Variants in UBAP2 observed in about 807,000 individuals in gnomAD.
UBAP2 encodes the protein ubiquitin associated protein 2, also known as ubiquitin-associated protein 2.
Under a neutral mutation model 139.6 loss-of-function variants are expected in UBAP2, and 75 were observed. That is an observed-to-expected ratio of 0.54 (90% confidence interval 0.45 to 0.65). The LOEUF (loss-of-function observed/expected upper bound fraction) is 0.65. Among genes scored for constraint, UBAP2 ranks in the 30% least tolerant of loss-of-function variants. The pLI, the probability that UBAP2 is intolerant of heterozygous loss-of-function variation, is 0.00. For missense variants in UBAP2, 1,368 were observed against 1,369.6 expected (o/e 1.00, Z 0.02); for synonymous variants, 526 against 526.2 (o/e 1.00, Z 0.01).
chr9:33,979,950 G>A (rs1376140853), intron 6 of UBAP2, among the ~76,000 whole-genome samples: 1 of 151,680 alleles, frequency 6.6e-6, no homozygotes, highest in African/African-American at 2.4e-5. Context: ...GCACACTCCT[G>A]TAGTCCCAGC....
intron 6 of UBAP2, among the ~76,000 whole-genome samples, chr9:33,977,896 T>A (rs1214382949): frequency 6.6e-6 from 1 of 150,662 alleles, no homozygotes; most frequent in African/African-American, 2.4e-5. Flanking sequence ...ATCTCTGTAG[T>A]CCCAGCTTCT....
At chr9:33,926,944 A>T (rs761988066) in intron 21 of UBAP2, 45 bp downstream of exon 21, 10 of 1,583,078 alleles carry the variant, frequency 6.3e-6, no homozygotes, top group Middle Eastern at 1.7e-4. Flanking sequence ...CCAGCCCCCG[A>T]GGCCAGGGGA....
intron 1 of UBAP2, among the ~76,000 whole-genome samples, chr9:34,040,546 G>A (rs1019116097): frequency 2.0e-5 from 3 of 152,048 alleles, no homozygotes; most frequent in Non-Finnish European, 2.9e-5. Context: ...AGGAGTTCAC[G>A]ACCAGCCCAG....
At chr9:33,928,034 G>A (rs1395234902) in intron 19 of UBAP2, 42 bp from the exon 20 acceptor site, 11 of 1,573,972 alleles carry the variant, frequency 7.0e-6, no homozygotes, top group Non-Finnish European at 9.5e-6. Context: ...TGGAGGCAGA[G>A]GAGGAGGGTG....
intron 12 of UBAP2, among the ~76,000 whole-genome samples, chr9:33,950,127 G>T (rs936050158): frequency 6.6e-6 from 1 of 151,884 alleles, no homozygotes; most frequent in Non-Finnish European, 1.5e-5. Context: ...GTGCAGTGGC[G>T]CGATCTCGGC....
At chr9:33,961,277 T>C (rs563970969) in intron 9 of UBAP2, among the ~76,000 whole-genome samples, 50 of 152,368 alleles carry the variant, frequency 3.3e-4, no homozygotes, top group African/African-American at 1.1e-3. Flanking sequence ...ACAACAAATT[T>C]CATTTTAAGG....
chr9:33,968,489 A>C (rs765731369), intron 8 of UBAP2: 250 of 534,896 alleles, frequency 4.7e-4, no homozygotes, highest in Non-Finnish European at 7.9e-4. Flanking sequence ...ACATTTGAGC[A>C]CTAATGGGAC....
At position 34,014,717 on chromosome 9, in the gene UBAP2, C is replaced by T. The variant is rs190005711; in HGVS notation, c.99+2333G>A. The stretch of plus-strand genomic sequence containing the variant: ...GGCTGAGGCAAGAGAATCACTTGAA[C>T]CCGGGAAGTGGAGGTTGGAGTGAGC... On this transcript the variant is annotated intron_variant, in intron 2 of 28. Transcript: ENST00000379238. Among the ~76,000 whole-genome samples, 40 of 151,498 alleles carry T rather than the reference C, an allele frequency of 2.6e-4. No individual in the cohort carries two copies. The Middle Eastern group carries it at 0.014, about 52-fold the overall frequency.
intron 10 of UBAP2, among the ~76,000 whole-genome samples, chr9:33,958,635 T>C (rs1421798187): frequency 6.7e-6 from 1 of 150,088 alleles, no homozygotes; most frequent in Non-Finnish European, 1.5e-5. Flanking sequence ...CTTGAACTCC[T>C]GACCTCAGGT....
chr9:33,942,727 C>CAAAAA (rs544848249), intron 15 of UBAP2, among the ~76,000 whole-genome samples: 47 of 135,062 alleles, frequency 3.5e-4, no homozygotes, highest in Non-Finnish European at 4.9e-4. Context: ...GACCCTATCT[C>CAAAAA]AAAAAAAAAA....
intron 2 of UBAP2, among the ~76,000 whole-genome samples, chr9:34,001,089 T>TG (rs1822660225): frequency 6.6e-6 from 1 of 152,082 alleles, no homozygotes; most frequent in Non-Finnish European, 1.5e-5. Flanking sequence ...GACAACTAGA[T>TG]GAAGTAAAAG....
chr9:33,940,411 T>C (rs1271383174), intron 16 of UBAP2, among the ~76,000 whole-genome samples: 1 of 152,196 alleles, frequency 6.6e-6, no homozygotes, highest in Admixed American at 6.5e-5. Flanking sequence ...CTCAGAAACC[T>C]TGGACATACA....
At chr9:33,971,543 T>A in intron 8 of UBAP2, 108 bp downstream of exon 8, 2 of 723,812 alleles carry the variant, frequency 2.8e-6, no homozygotes, top group Non-Finnish European at 4.9e-6. Context: ...TAGCCTGTTT[T>A]TCATTCTTTT....
intron 2 of UBAP2, among the ~76,000 whole-genome samples, chr9:34,000,800 G>C (rs1383847022): frequency 6.6e-6 from 1 of 152,164 alleles, no homozygotes; most frequent in Non-Finnish European, 1.5e-5. Flanking sequence ...AGGCCATGTG[G>C]GTGGGTGATT....
chr9:33,957,089 A>C (rs1313466267), intron 10 of UBAP2, among the ~76,000 whole-genome samples: 5 of 138,832 alleles, frequency 3.6e-5, no homozygotes, highest in Non-Finnish European at 7.7e-5. Flanking sequence ...ATCCTGCCTC[A>C]AAAAAAAAAA....
At chr9:33,926,943 GAGGCCAGGGGAGCTGGGC>G (rs750474628) in intron 21 of UBAP2, 28 bp downstream of exon 21, 6 of 1,587,634 alleles carry the variant, frequency 3.8e-6, no homozygotes, top group Non-Finnish European at 5.2e-6. Context: ...GCCAGCCCCC[GAGGCCAGGGGAGCTGGGC>G]AGGCCAGGAG....
intron 2 of UBAP2, among the ~76,000 whole-genome samples, chr9:34,007,859 T>C (rs1053458711): frequency 3.3e-5 from 5 of 151,992 alleles, no homozygotes; most frequent in African/African-American, 1.2e-4. Flanking sequence ...GCCAAGATGG[T>C]CTCTATCTCC....
At chr9:34,025,711 A>C (rs762683706) in intron 1 of UBAP2, among the ~76,000 whole-genome samples, 7 of 152,196 alleles carry the variant, frequency 4.6e-5, no homozygotes, top group Non-Finnish European at 1.0e-4. Flanking sequence ...TTTTGGAAAA[A>C]AGTTTTAACT....
intron 2 of UBAP2, among the ~76,000 whole-genome samples, chr9:34,004,935 A>G (rs1043137536): frequency 6.6e-6 from 1 of 151,792 alleles, no homozygotes; most frequent in Non-Finnish European, 1.5e-5. Flanking sequence ...TTTAAAAATC[A>G]GACACTTCTT....
Sources: gnomAD v4.1 joint callset for allele counts (sites outside exome capture counted in the v4.1 genomes callset) on GRCh38, gnomAD v4.1.1 for gene constraint, MANE v1.5 for transcripts, NCBI Gene and HGNC (gene_info 2026-07-23, HGNC 2026-07-21) for gene names.